Variants in CHD2 observed in about 807,000 individuals in gnomAD.
CHD2 encodes chromodomain helicase DNA binding protein 2.
A neutral mutation model predicts 243.9 loss-of-function variants in CHD2; 28 were observed. The ratio of observed to expected loss-of-function variants is 0.11; its 90% CI spans 0.09 to 0.16. The LOEUF is 0.16. Ranked by LOEUF, CHD2 falls within the 10% of genes least tolerant of loss-of-function variation. The pLI is 1.00. For synonymous variants in CHD2, 775 were observed against 779.0 expected, an observed-to-expected ratio of 0.99 and a Z score of 0.09; for missense variants, 1,386 against 2,209.8, an observed-to-expected ratio of 0.63 and a Z score of 7.47.
Position 92,991,574 on chromosome 15 carries a change from C to T in CHD2, c.3455+57C>T, listed in dbSNP as rs867547686. 75 of 1,302,080 alleles carry T rather than the reference C, an allele frequency of 5.8e-5. No homozygotes were observed. The Middle Eastern group carries it at 6.1e-4, about 11-fold the overall frequency. 80.7% of individuals were successfully genotyped at this position (1,302,080 alleles called of 1,614,324 possible). ...TCTTTTTTGCTTTTATTATATAGTA[C>T]GTTCTTTTTTGGTAAATTTTTCCAT... On this transcript the variant is annotated intron_variant, in intron 27 of 38. Coordinates refer to ENST00000394196, the MANE Select transcript of CHD2 (RefSeq NM_001271.4).
At chr15:92,993,048 T>C (rs760703062) in intron 28 of CHD2, 50 bp downstream of exon 28, 1 of 1,603,088 alleles carries the variant, frequency 6.2e-7, no homozygotes, top group Admixed American at 1.7e-5. Flanking sequence ...ACTCTTGGAC[T>C]GGATTTCTGT....
chr15:92,939,444 TG>T, intron 6 of CHD2, 133 bp from the exon 7 acceptor site: 1 of 933,376 alleles, frequency 1.1e-6, no homozygotes, highest in Non-Finnish European at 1.6e-6. Context: ...CCCAAGAATA[TG>T]CATGTTTAAC....
chr15:92,990,912 A>C (rs1249469490), intron 26 of CHD2, among the ~76,000 whole-genome samples: 2 of 152,160 alleles, frequency 1.3e-5, no homozygotes, highest in Non-Finnish European at 2.9e-5. Flanking sequence ...GATTTTTGGG[A>C]GGAGAGGTCA....
intron 3 of CHD2, among the ~76,000 whole-genome samples, chr15:92,926,987 G>GTGTGTT (rs1555437654): frequency 6.6e-6 from 1 of 151,358 alleles, no homozygotes; most frequent in Non-Finnish European, 1.5e-5. Flanking sequence ...TTATTCAGCT[G>GTGTGTT]TATATTTTAA....
intron 8 of CHD2, among the ~76,000 whole-genome samples, chr15:92,942,323 AG>A (rs2053394802): frequency 6.6e-6 from 1 of 152,178 alleles, no homozygotes; most frequent in South Asian, 2.1e-4. Flanking sequence ...TATCTAATTT[AG>A]ATATCTCATA....
intron 26 of CHD2, among the ~76,000 whole-genome samples, chr15:92,985,965 G>T (rs988045237): frequency 2.6e-5 from 4 of 152,056 alleles, no homozygotes; most frequent in Non-Finnish European, 5.9e-5. Flanking sequence ...TGACATACAT[G>T]TATATACAGA....
intron 16 of CHD2, among the ~76,000 whole-genome samples, chr15:92,961,435 CTG>C (rs1186732364): frequency 1.3e-5 from 2 of 152,170 alleles, no homozygotes; most frequent in African/African-American, 4.8e-5. Flanking sequence ...TGGTCTTTCT[CTG>C]TCACCCACGC....
At chr15:92,983,528 T>C (rs1490902305) in intron 24 of CHD2, among the ~76,000 whole-genome samples, 2 of 152,074 alleles carry the variant, frequency 1.3e-5, no homozygotes, top group Non-Finnish European at 2.9e-5. Context: ...TCTCAAAGGC[T>C]AGGAGGGAGG....
At chr15:92,990,562 A>G (rs1182705278) in intron 26 of CHD2, among the ~76,000 whole-genome samples, 1 of 152,246 alleles carries the variant, frequency 6.6e-6, no homozygotes, top group African/African-American at 2.4e-5. Context: ...GGAGAAATGC[A>G]GTTAAGGAGT....
Position 92,998,571 on chromosome 15 carries a change from C to G in CHD2, c.3958C>G (p.Leu1320Val). The G allele has an allele frequency of 6.2e-7, 1 of 1,613,666 alleles. No individual in the cohort carries two copies. The highest frequency in any genetic ancestry group is 8.5e-7 in the Non-Finnish European group (1 of 1,180,008). ...LQTRADYLLK[L>V]LRKGLEKKGA... Reference sequence around the variant, plus strand: ...GACCCGAGCGGATTACTTGTTGAAGCTGCTCAGAAAGGGTCTGGAGAAGAA... The same window carrying G: ...GACCCGAGCGGATTACTTGTTGAAGGTGCTCAGAAAGGGTCTGGAGAAGAA... The change falls in exon 31 of 39, where the codon CTG (leucine) becomes GTG (valine). Residue 1320 changes from leucine to valine, a missense_variant. Leu to Val is a conservative substitution (Grantham distance 32). This residue lies in a region of CHD2 where 99 missense variants were observed against 176.9 expected (regional missense o/e 0.56). Coordinates refer to ENST00000394196, the MANE Select transcript of CHD2 (RefSeq NM_001271.4). The surrounding 1 kb of genome is among the most constrained non-coding windows in gnomAD (Gnocchi z 5.1).
chr15:93,024,459 C>A lies in CHD2; in HGVS notation c.5241C>A (p.His1747Gln). The A allele has an allele frequency of 6.2e-7, 1 of 1,614,206 alleles. No individual in the cohort carries two copies. The change falls in exon 39 of 39, where the codon CAC (histidine) becomes CAA (glutamine). Residue 1747 changes from histidine (H) to glutamine (Q), a missense_variant. By Grantham distance (24) the His-to-Gln change is conservative. Coordinates refer to ENST00000394196, the MANE Select transcript of CHD2 (RefSeq NM_001271.4). ...AGGATTTCCGACGAATGTCTGATCACCGCCCCGCTATGGGCTACCATGGCC... is the reference window on the plus strand; with the variant it reads ...AGGATTTCCGACGAATGTCTGATCAACGCCCCGCTATGGGCTACCATGGCC... Reference protein sequence around the residue: ...HQQDFRRMSDHRPAMGYHGQG... With the variant: ...HQQDFRRMSDQRPAMGYHGQG...
At chr15:92,966,521 T>C (rs1036543363) in intron 16 of CHD2, among the ~76,000 whole-genome samples, 2 of 152,220 alleles carry the variant, frequency 1.3e-5, no homozygotes, top group African/African-American at 4.8e-5. Flanking sequence ...ACTTTAGATG[T>C]CTACCCCAAA....
chr15:92,952,666 C>T (rs2053568777), intron 13 of CHD2, among the ~76,000 whole-genome samples: 1 of 152,216 alleles, frequency 6.6e-6, no homozygotes, highest in Non-Finnish European at 1.5e-5. Flanking sequence ...ACATATGAAG[C>T]TTCCCTCCCT....
rs2053852026 is a variant in CHD2 at position 92,972,430 on chromosome 15, C to T, written c.2505+13C>T. Reference sequence around the variant, plus strand: ...CTATCCTTTCCAGGTAAGGTGATTTCAGTAATTGCTGTGGGGGGAATCAAT... The same window carrying T: ...CTATCCTTTCCAGGTAAGGTGATTTTAGTAATTGCTGTGGGGGGAATCAAT... On this transcript the variant is annotated intron_variant, in intron 19 of 38. Coordinates refer to ENST00000394196, the MANE Select transcript of CHD2 (RefSeq NM_001271.4). The T allele has an allele frequency of 6.3e-7, 1 of 1,578,952 alleles. No individual in the cohort carries two copies. Among genetic ancestry groups the T allele is most frequent in the African/African-American group, 1.4e-5 (1 of 72,788 alleles).
At chr15:92,970,404 T>C (rs1448000304) in intron 17 of CHD2, among the ~76,000 whole-genome samples, 1 of 152,174 alleles carries the variant, frequency 6.6e-6, no homozygotes, top group Non-Finnish European at 1.5e-5. Context: ...TTTCATCATG[T>C]TGGTCAGGCT....
At chr15:92,943,192 G>T (rs545246020) in intron 9 of CHD2, 124 bp downstream of exon 9, 401 of 700,220 alleles carry the variant, frequency 5.7e-4, no homozygotes, top group Non-Finnish European at 8.8e-4. Flanking sequence ...ATCTAAACAT[G>T]GAGCCATTTA....
At chr15:92,974,659 G>C in intron 19 of CHD2, 1 of 449,958 alleles carries the variant, frequency 2.2e-6, no homozygotes, top group Non-Finnish European at 4.1e-6. Flanking sequence ...ACAGCCCTTT[G>C]AATCAGAAGC....
intron 2 of CHD2, among the ~76,000 whole-genome samples, chr15:92,910,042 C>T (rs190665305): frequency 7.9e-5 from 12 of 151,668 alleles, no homozygotes; most frequent in Admixed American, 2.0e-4. Flanking sequence ...GTTTCACTCC[C>T]ATCTCTCACA....
At chr15:92,949,945 G>A (rs1400444581) in intron 13 of CHD2, among the ~76,000 whole-genome samples, 3 of 152,230 alleles carry the variant, frequency 2.0e-5, no homozygotes, top group East Asian at 3.8e-4. Context: ...GAGCTGGACC[G>A]CACAATCTAG....
Sources: allele counts gnomAD v4.1 joint callset (sites outside exome capture counted in the v4.1 genomes callset), GRCh38; gene constraint gnomAD v4.1.1; regional missense constraint gnomAD v4.1.1; non-coding constraint Gnocchi (gnomAD v3.1); transcripts MANE v1.5; gene names NCBI Gene and HGNC (gene_info 2026-07-23, HGNC 2026-07-21).